The following IPO11 variants were observed in gnomAD, a reference collection of about 807,000 sequenced individuals.
IPO11 encodes the protein importin 11, also known as importin-11.
Under a neutral mutation model 143.2 loss-of-function variants are expected in IPO11, and 66 were observed. That is an observed-to-expected ratio of 0.46 (90% CI 0.38 to 0.57). IPO11 has a LOEUF of 0.57. Among genes scored for constraint, IPO11 ranks in the 20% least tolerant of loss-of-function variants. The probability of loss-of-function intolerance (pLI) is 0.00; values close to 1 mark genes in which losing one functional copy is unlikely to be tolerated. For missense variants in IPO11, 1,026 were observed against 1,141.0 expected, an observed-to-expected ratio of 0.90 and a Z score of 1.45; for synonymous variants, 385 against 377.8, an observed-to-expected ratio of 1.02 and a Z score of -0.22.
rs576923005 is a variant in IPO11, at chr5:62,598,715, T to C, written c.2679-3049T>C. 6.4e-4 allele frequency among the ~76,000 whole-genome samples: 97 copies of C among 151,128 alleles called. 1 individual carries two copies. The highest frequency in any genetic ancestry group is 1.7e-3 in the African/African-American group (72 of 41,186). On this transcript the variant is annotated intron_variant, in intron 28 of 29. Coordinates refer to ENST00000325324, the MANE Select transcript of IPO11 (RefSeq NM_016338.5). The stretch of plus-strand genomic sequence containing the variant: ...ACGTGCCACCACGCCTGGCTAATTA[T>C]TGTATTTTTAGTAGAAATGGGGTTT...
intron 1 of IPO11, among the ~76,000 whole-genome samples, chr5:62,423,558 G>A (rs1743591450): frequency 6.6e-6 from 1 of 152,178 alleles, no homozygotes; most frequent in African/African-American, 2.4e-5. Context: ...AGTGATCTCT[G>A]TGTCCGTTAG....
At chr5:62,622,603 T>C (rs1309635711) in intron 29 of IPO11, among the ~76,000 whole-genome samples, 1 of 152,184 alleles carries the variant, frequency 6.6e-6, no homozygotes, top group African/African-American at 2.4e-5. Flanking sequence ...TTGAAATAAT[T>C]ACTTTGTCTA....
intron 21 of IPO11, among the ~76,000 whole-genome samples, chr5:62,527,420 CATTT>C (rs1263620576): frequency 6.6e-6 from 1 of 152,160 alleles, no homozygotes; most frequent in African/African-American, 2.4e-5. Context: ...AATTAAACAT[CATTT>C]ATAGAAATAA....
chr5:62,542,216 A>G (rs1042656112), intron 24 of IPO11, among the ~76,000 whole-genome samples: 15 of 152,112 alleles, frequency 9.9e-5, no homozygotes, highest in Non-Finnish European at 2.2e-4. Flanking sequence ...TTAAGATGGT[A>G]TTTTTATACG....
At chr5:62,413,031 A>T (rs1034369607) in intron 1 of IPO11, 102 bp downstream of exon 1, 3 of 152,304 alleles carry the variant, frequency 2.0e-5, no homozygotes, top group African/African-American at 7.2e-5. Context: ...CTACCAGGAG[A>T]TGAGGGATAA....
intron 26 of IPO11, among the ~76,000 whole-genome samples, chr5:62,558,074 G>A (rs1743637200): frequency 6.6e-6 from 1 of 152,166 alleles, no homozygotes; most frequent in Non-Finnish European, 1.5e-5. Context: ...AAATTCTGCA[G>A]CCCAGAACTG....
At chr5:62,493,314 T>A (rs1274754153) in intron 15 of IPO11, among the ~76,000 whole-genome samples, 1 of 152,172 alleles carries the variant, frequency 6.6e-6, no homozygotes, top group Non-Finnish European at 1.5e-5. Context: ...CAGGAGCTTC[T>A]TTATTATTAT....
At chr5:62,462,895 T>C (rs1580207559) in intron 5 of IPO11, among the ~76,000 whole-genome samples, 1 of 152,106 alleles carries the variant, frequency 6.6e-6, no homozygotes, top group South Asian at 2.1e-4. Flanking sequence ...TTTTTTTTTT[T>C]TCAGTGAGTC....
intron 22 of IPO11, 28 bp from the exon 23 acceptor site, chr5:62,536,674 T>C: frequency 3.2e-6 from 5 of 1,569,676 alleles, no homozygotes; most frequent in South Asian, 2.4e-5. Flanking sequence ...TAATTTGGTT[T>C]TTTGTTTGAC....
At chr5:62,537,064 C>T (rs975442667) in intron 23 of IPO11, 145 bp from the exon 24 acceptor site, 2 of 557,522 alleles carry the variant, frequency 3.6e-6, no homozygotes, top group African/African-American at 2.0e-5. Flanking sequence ...TTAACTTTTC[C>T]TAAGCGTTCT....
At chr5:62,612,981 A>G (rs912514770) in intron 29 of IPO11, among the ~76,000 whole-genome samples, 1 of 152,240 alleles carries the variant, frequency 6.6e-6, no homozygotes, top group South Asian at 2.1e-4. Context: ...ATAGTGATAG[A>G]TTATACCAAA....
At chr5:62,478,386 C>T (rs377680587) in intron 9 of IPO11, among the ~76,000 whole-genome samples, 14 of 152,142 alleles carry the variant, frequency 9.2e-5, no homozygotes, top group African/African-American at 3.1e-4. Context: ...AGGCTGGTCT[C>T]GAACTTCTGG....
chr5:62,456,454 G>A (rs1476367835), intron 5 of IPO11, among the ~76,000 whole-genome samples: 2 of 152,206 alleles, frequency 1.3e-5, no homozygotes, highest in African/African-American at 2.4e-5. Context: ...GTATGTTAAA[G>A]TAAATAATGT....
intron 1 of IPO11, among the ~76,000 whole-genome samples, chr5:62,424,137 G>GC (rs1354847876): frequency 3.8e-5 from 5 of 130,118 alleles, no homozygotes; most frequent in Non-Finnish European, 5.1e-5. Flanking sequence ...TCCCACCTCA[G>GC]CTTTTTTTTT....
Position 62,412,774 on chromosome 5 carries a change from C to G in IPO11, c.-162C>G, listed in dbSNP as rs1025745463. ...TTTCGCGCGTCCGCGTCGTTTGGAGCTGCGACGCCAAACATGGCGTGTTCC... is the reference window on the plus strand; with the variant it reads ...TTTCGCGCGTCCGCGTCGTTTGGAGGTGCGACGCCAAACATGGCGTGTTCC... On this transcript the variant is annotated 5_prime_UTR_variant, in exon 1 of 30. Coordinates refer to ENST00000325324, the MANE Select transcript of IPO11 (RefSeq NM_016338.5). 1 of 152,754 alleles carries G rather than the reference C, an allele frequency of 6.5e-6. No individual in the cohort carries two copies. Among genetic ancestry groups the G allele is most frequent in the Non-Finnish European group, 1.5e-5 (1 of 68,074 alleles). 9.5% of individuals were successfully genotyped at this position (152,754 alleles called of 1,614,324 possible).
At chr5:62,437,491 T>C in intron 2 of IPO11, 74 bp downstream of exon 2, 1 of 1,307,458 alleles carries the variant, frequency 7.6e-7, no homozygotes, top group Non-Finnish European at 1.0e-6. Flanking sequence ...AAAACCCTAG[T>C]TTTATTGGTA....
chr5:62,568,294 C>A (rs9764843), intron 27 of IPO11, among the ~76,000 whole-genome samples: 1 of 151,630 alleles, frequency 6.6e-6, no homozygotes, highest in Non-Finnish European at 1.5e-5. Flanking sequence ...CTGTCTTCTA[C>A]GTTACTCATT....
At chr5:62,502,041 A>C (rs1372937284) in intron 16 of IPO11, among the ~76,000 whole-genome samples, 1 of 152,310 alleles carries the variant, frequency 6.6e-6, no homozygotes. Context: ...GATAAGATGC[A>C]TTCGTTGTGA....
chr5:62,498,715 CA>C (rs1256161616), intron 16 of IPO11, among the ~76,000 whole-genome samples: 1 of 152,086 alleles, frequency 6.6e-6, no homozygotes, highest in Non-Finnish European at 1.5e-5. Context: ...ACTAAAGATA[CA>C]AAAATTAGCT....
Sources: gnomAD v4.1 joint callset for allele counts (sites outside exome capture counted in the v4.1 genomes callset) on GRCh38, gnomAD v4.1.1 for gene constraint, MANE v1.5 for transcripts, NCBI Gene and HGNC (gene_info 2026-07-23, HGNC 2026-07-21) for gene names.